Variants in SORCS2 observed in about 807,000 individuals in gnomAD.
SORCS2 encodes VPS10 domain-containing receptor SorCS2.
Under a neutral mutation model 141.6 loss-of-function variants are expected in SORCS2, and 100 were observed. That is an observed-to-expected ratio of 0.71 (90% CI 0.60 to 0.83). The LOEUF is 0.83. SORCS2 is among the 40% of genes least tolerant of loss of function. SORCS2 has a pLI of 0.00. For synonymous variants in SORCS2, 789 were observed against 676.9 expected (o/e 1.17, Z -2.57); for missense variants, 1,646 against 1,560.2 (o/e 1.05, Z -0.93).
intron 4 of SORCS2, among the ~76,000 whole-genome samples, chr4:7,639,626 T>G (rs1720511078): frequency 6.6e-6 from 1 of 151,428 alleles, no homozygotes; most frequent in African/African-American, 2.4e-5. Context: ...TGTGAATGTG[T>G]GGGTGTGTGG....
intron 3 of SORCS2, among the ~76,000 whole-genome samples, chr4:7,583,361 C>T (rs569203513): frequency 1.3e-5 from 2 of 152,264 alleles, no homozygotes; most frequent in East Asian, 3.9e-4. Context: ...CCCTACACTC[C>T]TGCTAGAAAA....
At chr4:7,424,580 T>C (rs1046833909) in intron 2 of SORCS2, among the ~76,000 whole-genome samples, 1 of 152,224 alleles carries the variant, frequency 6.6e-6, no homozygotes, top group African/African-American at 2.4e-5. Flanking sequence ...CCCTCCTCTT[T>C]GCCGCTCCTC....
At chr4:7,729,529 G>A (rs1727458194) in intron 22 of SORCS2, 58 bp from the exon 23 acceptor site, 13 of 1,539,094 alleles carry the variant, frequency 8.4e-6, no homozygotes, top group Non-Finnish European at 1.1e-5. Flanking sequence ...GGGGGCCCCA[G>A]TATGAGGCAG....
intron 2 of SORCS2, among the ~76,000 whole-genome samples, chr4:7,455,474 ATTGGGGTCAGGCTCCGTG>A (rs1428759128): frequency 3.6e-3 from 159 of 44,162 alleles, no homozygotes; most frequent in Non-Finnish European, 4.4e-3. Context: ...CAGGTGCTGT[ATTGGGGTCAGGCTCCGTG>A]TTGGGGTCAG....
intron 2 of SORCS2, among the ~76,000 whole-genome samples, chr4:7,487,171 AC>A (rs1731040569): frequency 6.6e-6 from 1 of 152,024 alleles, no homozygotes; most frequent in African/African-American, 2.4e-5. Context: ...CCCCTGCAGG[AC>A]CCCTCCCTGC....
intron 3 of SORCS2, among the ~76,000 whole-genome samples, chr4:7,576,156 A>G (rs1715735921): frequency 6.6e-6 from 1 of 152,226 alleles, no homozygotes; most frequent in African/African-American, 2.4e-5. Flanking sequence ...AGAAAGGTCA[A>G]CACCACTAAC....
Position 7,676,192 on chromosome 4 carries a change from G to C in SORCS2, c.1304G>C (p.Arg435Pro). Residue 435 changes from arginine (R) to proline (P), a missense_variant, in exon 9 of 27, where the codon CGG (arginine) becomes CCG (proline). Transcript: ENST00000507866. ...ALVLQDVRSS[R>P]QAEESVLIDI... is the part of the protein sequence containing the mutation. ...GTGCTGCAGGACGTGCGCAGCTCACGGCAGGCGGAGGAGAGCGTGCTCATC... is the reference window on the plus strand; with the variant it reads ...GTGCTGCAGGACGTGCGCAGCTCACCGCAGGCGGAGGAGAGCGTGCTCATC... 1 of 1,552,704 alleles carries C rather than the reference G, an allele frequency of 6.4e-7. No individual in the cohort carries two copies. Among genetic ancestry groups the C allele is most frequent in the Non-Finnish European group, 8.7e-7 (1 of 1,147,744 alleles).
intron 2 of SORCS2, among the ~76,000 whole-genome samples, chr4:7,461,968 G>A: frequency 2.6e-5 from 4 of 152,194 alleles, no homozygotes; most frequent in African/African-American, 9.7e-5. Flanking sequence ...ACGGCAGCTG[G>A]ACACAGCTGG....
chr4:7,676,906 C>CT (rs1560475867), intron 9 of SORCS2, among the ~76,000 whole-genome samples: 27 of 7,444 alleles, frequency 3.6e-3, no homozygotes, highest in Admixed American at 0.018. Context: ...CTCTCTCTCT[C>CT]CCTCTCTCCC....
chr4:7,605,993 C>T (rs975385864), intron 3 of SORCS2, among the ~76,000 whole-genome samples: 1 of 152,170 alleles, frequency 6.6e-6, no homozygotes, highest in African/African-American at 2.4e-5. Context: ...TGCAGCCACA[C>T]GGGGGAACAG....
At chr4:7,311,263 G>A (rs1039408790) in intron 1 of SORCS2, among the ~76,000 whole-genome samples, 23 of 152,084 alleles carry the variant, frequency 1.5e-4, no homozygotes, top group Non-Finnish European at 2.4e-4. Context: ...TCAATTGTTC[G>A]TTCCCTTTTA....
chr4:7,339,388 C>A (rs1194844325), intron 1 of SORCS2, among the ~76,000 whole-genome samples: 3 of 152,220 alleles, frequency 2.0e-5, no homozygotes, highest in Non-Finnish European at 4.4e-5. Flanking sequence ...AGCTGCGTAA[C>A]AAAGTACCAC....
At chr4:7,371,836 T>A (rs1161155464) in intron 1 of SORCS2, among the ~76,000 whole-genome samples, 2 of 152,222 alleles carry the variant, frequency 1.3e-5, no homozygotes, top group Non-Finnish European at 2.9e-5. Flanking sequence ...TGTGTTGGAT[T>A]TCACTTCGAG....
chr4:7,626,415 T>C (rs1380870152), intron 3 of SORCS2, among the ~76,000 whole-genome samples: 1 of 152,226 alleles, frequency 6.6e-6, no homozygotes, highest in South Asian at 2.1e-4. Flanking sequence ...CTAGGCCATG[T>C]GGTACAGACT....
intron 3 of SORCS2, among the ~76,000 whole-genome samples, chr4:7,555,015 C>T (rs187267682): frequency 3.3e-5 from 5 of 152,240 alleles, no homozygotes; most frequent in Admixed American, 2.6e-4. Context: ...CTGCTCAGCC[C>T]AGCCGTTCAC....
intron 3 of SORCS2, among the ~76,000 whole-genome samples, chr4:7,539,680 A>ACCCCCGTTACGGAGGCCCCGC (rs1712414362): frequency 7.5e-6 from 1 of 134,226 alleles, no homozygotes; most frequent in Non-Finnish European, 1.6e-5. Flanking sequence ...CAAGGCCCCG[A>ACCCCCGTTACGGAGGCCCCGC]CCCCCGTTAT....
At chr4:7,311,828 T>C (rs935658306) in intron 1 of SORCS2, among the ~76,000 whole-genome samples, 3 of 152,220 alleles carry the variant, frequency 2.0e-5, no homozygotes, top group African/African-American at 7.2e-5. Context: ...AAATATTTTC[T>C]CCCAGTTTGT....
In SORCS2 at chr4:7,719,651, A is replaced by C. The variant is rs572243304; in HGVS notation, c.2424+1468A>C. Among the ~76,000 whole-genome samples, 736 of 152,066 alleles carry C rather than the reference A, an allele frequency of 4.8e-3. 6 individuals are homozygous for C. The highest frequency in any genetic ancestry group is 0.016 in the African/African-American group (673 of 41,406). On this transcript the variant is annotated intron_variant, in intron 18 of 26. Coordinates refer to ENST00000507866, the MANE Select transcript of SORCS2 (RefSeq NM_020777.3). ...AGCAGCATCTTGGGGCGGCAGGAGG[A>C]CAGAGCCGCTGCCCCGCCTGTCCCG...
intron 1 of SORCS2, among the ~76,000 whole-genome samples, chr4:7,321,261 A>G (rs1258512666): frequency 6.6e-6 from 1 of 152,212 alleles, no homozygotes; most frequent in Non-Finnish European, 1.5e-5. Context: ...AAGTTGCTGC[A>G]AAATACACAA....
Sources: allele counts gnomAD v4.1 joint callset (sites outside exome capture counted in the v4.1 genomes callset), GRCh38; gene constraint gnomAD v4.1.1; transcripts MANE v1.5; gene names NCBI Gene and HGNC (gene_info 2026-07-23, HGNC 2026-07-21).